Variants in PKP2 observed in about 807,000 individuals in gnomAD.
PKP2 encodes the protein plakophilin 2, also known as plakophilin-2.
In PKP2, 73 loss-of-function variants were observed where a neutral mutation model predicts 83.4. That is an observed-to-expected ratio of 0.88 (90% CI 0.72 to 1.06). The LOEUF (loss-of-function observed/expected upper bound fraction) is 1.06. Among genes scored for constraint, PKP2 ranks in the 50% least tolerant of loss-of-function variants. The pLI, the probability that PKP2 is intolerant of heterozygous loss-of-function variation, is 0.00. For missense variants in PKP2, 966 were observed against 1,065.4 expected (o/e 0.91, Z 1.30); for synonymous variants, 409 against 430.4 (o/e 0.95, Z 0.62).
chr12:32,830,932 T>C (rs1956495545), intron 6 of PKP2, among the ~76,000 whole-genome samples: 1 of 151,852 alleles, frequency 6.6e-6, no homozygotes, highest in African/African-American at 2.4e-5. Flanking sequence ...CCTTTAGCTC[T>C]GCTTTCCTGC....
chr12:32,832,384 GA>G (rs746932674), intron 6 of PKP2, among the ~76,000 whole-genome samples: 1,671 of 137,814 alleles, frequency 0.012, 17 homozygotes, highest in African/African-American at 0.028. Context: ...CTCAAAAAAA[GA>G]AAAAAAAAAA....
chr12:32,868,934 C>T lies in PKP2; in HGVS notation c.1163G>A (p.Arg388Gln), dbSNP rs756000218. 6.8e-6 allele frequency: 11 copies of T among 1,612,900 alleles called. No homozygotes were observed. The highest frequency in any genetic ancestry group is 5.3e-5 in the African/African-American group (4 of 74,906). ...QHECFQKSEA[R>Q]KRVNQLRGIL... ...ACTGAAGATGACACTCACCCTCTTC[C>T]GAGCTTCAGATTTCTGGAAGCACTC... The change falls in exon 4 of 13, where the codon CGG becomes CAG. Residue 388 changes from arginine (R) to glutamine (Q), a missense_variant. By Grantham distance (43) the Arg-to-Gln change is conservative. Coordinates refer to ENST00000340811, the MANE Select transcript of PKP2 (RefSeq NM_001005242.3).
chr12:32,869,503 G>C (rs1956879795), intron 3 of PKP2, among the ~76,000 whole-genome samples: 1 of 151,432 alleles, frequency 6.6e-6, no homozygotes, highest in South Asian at 2.1e-4. Flanking sequence ...GGAGGCTGAG[G>C]CAGGAGAATC....
intron 8 of PKP2, chr12:32,821,784 A>C (rs1956381465): frequency 2.2e-6 from 1 of 460,154 alleles, no homozygotes. Context: ...AATTCAGAGA[A>C]TTAAGCATAG....
chr12:32,811,786 C>T (rs1956279194), intron 9 of PKP2, among the ~76,000 whole-genome samples: 1 of 152,204 alleles, frequency 6.6e-6, no homozygotes, highest in Admixed American at 6.5e-5. Context: ...TACTCCTGTC[C>T]AGTTTCTCCA....
intron 6 of PKP2, among the ~76,000 whole-genome samples, chr12:32,826,988 T>C (rs1284891933): frequency 6.6e-6 from 1 of 152,226 alleles, no homozygotes; most frequent in Non-Finnish European, 1.5e-5. Context: ...CCCAACTACA[T>C]GATGTTATCA....
intron 1 of PKP2, among the ~76,000 whole-genome samples, chr12:32,890,380 A>C (rs1481039491): frequency 6.6e-6 from 1 of 152,200 alleles, no homozygotes; most frequent in Non-Finnish European, 1.5e-5. Flanking sequence ...GAAGGTTTTC[A>C]TCCACAAATT....
Position 32,885,851 on chromosome 12 carries a change from G to A in PKP2, c.224-6819C>T, listed in dbSNP as rs1279279568. On this transcript the variant is annotated intron_variant, in intron 1 of 12. Coordinates refer to ENST00000340811, the MANE Select transcript of PKP2 (RefSeq NM_001005242.3). ...TTTCTTTTATAGTAAGCAAATGACA[G>A]AGAACTGCTAAACAAGCAAGATCTT... 3.3e-5 allele frequency among the ~76,000 whole-genome samples: 5 copies of A among 152,150 alleles called. No individual in the cohort carries two copies. In the East Asian group the frequency reaches 7.7e-4, roughly 23 times the overall value.
intron 6 of PKP2, among the ~76,000 whole-genome samples, chr12:32,833,149 A>G (rs1351648775): frequency 6.6e-6 from 1 of 152,224 alleles, no homozygotes; most frequent in East Asian, 1.9e-4. Flanking sequence ...AGGCTGAGAC[A>G]GGAGAATTGC....
intron 4 of PKP2, among the ~76,000 whole-genome samples, chr12:32,858,099 A>ATATATATATTTATATATATTTTATATT (rs1956768804): frequency 1.6e-4 from 16 of 97,266 alleles, no homozygotes; most frequent in African/African-American, 6.8e-4. Flanking sequence ...ATATATATAT[A>ATATATATATTTATATATATTTTATATT]TATATATATA....
Position 32,841,053 on chromosome 12 carries a change from A to G in PKP2, c.1531T>C (p.Phe511Leu), listed in dbSNP as rs1286296301. The stretch of plus-strand genomic sequence containing the variant: ...CTTAGGCATCCAGTGACGTTGTAGA[A>G]TATGTCAAAATCGAGCAAACCATTT... ...KANGLLDFDI[F>L]YNVTGCLRNM... Residue 511 changes from phenylalanine (F) to leucine (L), a missense_variant, in exon 6 of 13, where the codon TTC becomes CTC. By Grantham distance (22) the Phe-to-Leu change is conservative. Coordinates refer to ENST00000340811, the MANE Select transcript of PKP2 (RefSeq NM_001005242.3). 5.6e-6 allele frequency: 9 copies of G among 1,613,680 alleles called. No individual in the cohort carries two copies. The highest frequency in any genetic ancestry group is 7.6e-6 in the Non-Finnish European group (9 of 1,179,844).
intron 4 of PKP2, among the ~76,000 whole-genome samples, chr12:32,856,190 T>A (rs1565592009): frequency 6.6e-6 from 1 of 152,172 alleles, no homozygotes; most frequent in Non-Finnish European, 1.5e-5. Context: ...TGATGAGATA[T>A]GAAACAGGCA....
intron 10 of PKP2, among the ~76,000 whole-genome samples, chr12:32,797,996 T>C (rs1349137136): frequency 6.6e-6 from 1 of 151,726 alleles, no homozygotes; most frequent in Non-Finnish European, 1.5e-5. Flanking sequence ...GTCTCTATTT[T>C]AAAAAGTAAA....
In PKP2 at chr12:32,800,451, T is replaced by C. The variant is rs575425257; in HGVS notation, c.2167+1952A>G. Among the ~76,000 whole-genome samples the C allele has an allele frequency of 2.0e-5, 3 of 152,298 alleles. No homozygotes were observed. The South Asian group carries it at 6.2e-4, about 32-fold the overall frequency. Reference sequence around the variant, plus strand: ...ACCTTTTGCTCACAGGCCTGAACACTTTCCTTTTGACTGTGGTTCAAGCAC... The same window carrying C: ...ACCTTTTGCTCACAGGCCTGAACACCTTCCTTTTGACTGTGGTTCAAGCAC... On this transcript the variant is annotated intron_variant, in intron 10 of 12. Coordinates refer to ENST00000340811, the MANE Select transcript of PKP2 (RefSeq NM_001005242.3).
At chr12:32,825,288 C>T (rs1758929647) in intron 6 of PKP2, among the ~76,000 whole-genome samples, 2 of 151,538 alleles carry the variant, frequency 1.3e-5, no homozygotes, top group South Asian at 4.2e-4. Flanking sequence ...CCTGCCTCAG[C>T]CTCCCGAGTA....
rs1555148149 is a variant in PKP2, at chr12:32,878,313, T to C, written c.567A>G (p.Leu189=). The C allele has an allele frequency of 1.9e-6, 3 of 1,612,234 alleles. No homozygotes were observed. The highest frequency in any genetic ancestry group is 2.5e-6 in the Non-Finnish European group (3 of 1,179,744). Residue 189 remains leucine, a synonymous_variant, in exon 3 of 13, where the codon CTA becomes CTG. Transcript: ENST00000340811. ...CGGAACGAGCATATCTCGGTGGCAC[T>C]AGGAGGGCGGCCCGCCTGCTTTCTT... is the stretch of plus-strand genomic sequence containing the variant. ...HHQESRRAAL[L]VPPRYARSEI...
chr12:32,885,933 CTT>C (rs1957026240), intron 1 of PKP2, among the ~76,000 whole-genome samples: 1 of 152,132 alleles, frequency 6.6e-6, no homozygotes, highest in African/African-American at 2.4e-5. Flanking sequence ...AGAAAAGCGT[CTT>C]TTCTTTCAAT....
rs547504038 is a variant in PKP2, at chr12:32,804,042, TAAG to T, written c.2014-1489_2014-1487del. On this transcript the variant is annotated intron_variant, in intron 9 of 12. Transcript: ENST00000340811. The stretch of plus-strand genomic sequence containing the variant: ...AAAAAAAATAATGTGTTCAGGTAAC[TAAG>T]AAGCACAGTAGCATCACCAGAATAC... Among the ~76,000 whole-genome samples the T allele has an allele frequency of 3.2e-4, 49 of 152,178 alleles. 1 individual carries two copies. In the South Asian group the frequency reaches 9.5e-3, roughly 30 times the overall value.
At chr12:32,846,946 G>C (rs565702751) in intron 5 of PKP2, among the ~76,000 whole-genome samples, 1 of 152,040 alleles carries the variant, frequency 6.6e-6, no homozygotes, top group Admixed American at 6.5e-5. Context: ...TTACCATTTA[G>C]GCAACCTTGG....
Sources: allele counts gnomAD v4.1 joint callset (sites outside exome capture counted in the v4.1 genomes callset), GRCh38; gene constraint gnomAD v4.1.1; transcripts MANE v1.5; gene names NCBI Gene and HGNC (gene_info 2026-07-23, HGNC 2026-07-21).